The following DYNC1I1 variants were observed in gnomAD, a reference collection of about 807,000 sequenced individuals.
The protein encoded by DYNC1I1 is cytoplasmic dynein 1 intermediate chain 1.
Under a neutral mutation model 86.6 loss-of-function variants are expected in DYNC1I1, and 43 were observed. The ratio of observed to expected loss-of-function variants is 0.50; its 90% CI spans 0.39 to 0.64. The LOEUF (loss-of-function observed/expected upper bound fraction) is 0.64, where lower values mean the gene tolerates loss of function less well. Among genes scored for constraint, DYNC1I1 ranks in the 30% least tolerant of loss-of-function variants. The pLI is 0.00. For missense variants in DYNC1I1, 604 were observed against 788.8 expected, an observed-to-expected ratio of 0.77 and a Z score of 2.81; for synonymous variants, 262 against 283.7, an observed-to-expected ratio of 0.92 and a Z score of 0.77.
chr7:96,094,042 A>T (rs1790925531), intron 16 of DYNC1I1, among the ~76,000 whole-genome samples: 1 of 152,170 alleles, frequency 6.6e-6, no homozygotes, highest in South Asian at 2.1e-4. Context: ...TTGTCACTGA[A>T]GGAAGGTAAA....
chr7:96,109,149 T>G (rs1791265949), intron 16 of DYNC1I1, among the ~76,000 whole-genome samples: 1 of 152,096 alleles, frequency 6.6e-6, no homozygotes, highest in South Asian at 2.1e-4. Flanking sequence ...CCAATTTTAT[T>G]GATCTTTTCA....
At chr7:95,835,617 G>A (rs1271626083) in intron 5 of DYNC1I1, among the ~76,000 whole-genome samples, 1 of 152,138 alleles carries the variant, frequency 6.6e-6, no homozygotes, top group South Asian at 2.1e-4. Context: ...AAGTCTCTTT[G>A]TAGGTCACTC....
intron 5 of DYNC1I1, among the ~76,000 whole-genome samples, chr7:95,865,343 G>A (rs928829484): frequency 6.6e-4 from 100 of 152,154 alleles, no homozygotes; most frequent in African/African-American, 2.0e-3. Flanking sequence ...AAATGATGCC[G>A]TGTCAACCAG....
At chr7:95,923,086 G>A (rs1333783346) in intron 6 of DYNC1I1, among the ~76,000 whole-genome samples, 1 of 151,456 alleles carries the variant, frequency 6.6e-6, no homozygotes, top group Non-Finnish European at 1.5e-5. Flanking sequence ...CTTTTTTCTT[G>A]TTGCACAGGG....
At position 96,039,415 on chromosome 7, in the gene DYNC1I1, C is replaced by T; in HGVS notation, c.1503C>T (p.Thr501=). The change falls in exon 14 of 17, where the codon ACC becomes ACT. Residue 501 remains threonine (T), a synonymous_variant. Coordinates refer to ENST00000447467, the MANE Select transcript of DYNC1I1 (RefSeq NM_001135556.2). ...SSFDWTVKLW[T]TKHNKPLYSF... ...TTGACTGGACTGTCAAACTGTGGACCACCAAGGTAAGAATATCTTGACTGA... is the reference window on the plus strand; with the variant it reads ...TTGACTGGACTGTCAAACTGTGGACTACCAAGGTAAGAATATCTTGACTGA... 5 of 1,613,924 alleles carry T rather than the reference C, an allele frequency of 3.1e-6. No individual in the cohort carries two copies. The highest frequency in any genetic ancestry group is 4.2e-6 in the Non-Finnish European group (5 of 1,179,910).
In DYNC1I1 at chr7:96,028,679, G is replaced by A. The variant is rs536307689; in HGVS notation, c.1116+358G>A. ...CGTATTTTCAAATAGATCCTGAAGA[G>A]TAAGGATTTCACATCAAGGGATGAT... On this transcript the variant is annotated intron_variant, in intron 11 of 16. Coordinates refer to ENST00000447467, the MANE Select transcript of DYNC1I1 (RefSeq NM_001135556.2). Among the ~76,000 whole-genome samples, 6 of 152,320 alleles carry A rather than the reference G, an allele frequency of 3.9e-5. No individual in the cohort carries two copies. In the South Asian group the frequency reaches 1.2e-3, roughly 32 times the overall value.
chr7:96,088,222 G>A (rs1180546685), intron 16 of DYNC1I1, among the ~76,000 whole-genome samples: 3 of 152,040 alleles, frequency 2.0e-5, no homozygotes, highest in Non-Finnish European at 4.4e-5. Context: ...GAATTGAAAA[G>A]AAATACTTAT....
intron 14 of DYNC1I1, among the ~76,000 whole-genome samples, chr7:96,058,485 A>G (rs1789652485): frequency 6.6e-6 from 1 of 152,214 alleles, no homozygotes. Context: ...CCTTATACTT[A>G]TTCATTCAAT....
intron 16 of DYNC1I1, among the ~76,000 whole-genome samples, chr7:96,085,123 T>G (rs899724416): frequency 2.0e-5 from 3 of 152,226 alleles, no homozygotes; most frequent in Admixed American, 6.5e-5. Flanking sequence ...GACAGTCATC[T>G]GCCTCATCTC....
intron 6 of DYNC1I1, among the ~76,000 whole-genome samples, chr7:95,970,198 C>T (rs1445526272): frequency 7.9e-5 from 12 of 152,102 alleles, no homozygotes; most frequent in Admixed American, 7.9e-4. Context: ...TGTCTAAATT[C>T]ACAGTCTGAT....
rs1387712605 is a variant in DYNC1I1 at position 96,028,177 on chromosome 7, C to T, written c.972C>T (p.Ser324=). 6.2e-7 allele frequency: 1 copy of T among 1,613,710 alleles called. No individual in the cohort carries two copies. The highest frequency in any genetic ancestry group is 1.1e-5 in the South Asian group (1 of 91,036). The change falls in exon 11 of 17, where the codon TCC becomes TCT. Residue 324 remains serine (S), a splice_region_variant and synonymous_variant. Coordinates refer to ENST00000447467, the MANE Select transcript of DYNC1I1 (RefSeq NM_001135556.2). ...CTCTCTCTCCTTTTCCCTGACAGTC[C>T]TCTGTGATGTCGGTCTGCTTCGCCC... ...TTPEYVFHCQ[S]SVMSVCFARF...
chr7:95,818,633 AT>A, intron 4 of DYNC1I1: 1 of 515,188 alleles, frequency 1.9e-6, no homozygotes, highest in South Asian at 3.4e-5. Flanking sequence ...GGCAGGACCC[AT>A]TGTGCCCAGC....
At chr7:95,845,827 T>G (rs1178158397) in intron 5 of DYNC1I1, among the ~76,000 whole-genome samples, 1 of 152,196 alleles carries the variant, frequency 6.6e-6, no homozygotes, top group Non-Finnish European at 1.5e-5. Context: ...GCTCACCATT[T>G]GTAATAATCA....
At chr7:96,042,411 A>G (rs1789077514) in intron 14 of DYNC1I1, among the ~76,000 whole-genome samples, 2 of 152,224 alleles carry the variant, frequency 1.3e-5, no homozygotes. Flanking sequence ...TTCAATAGCA[A>G]TGACATTCCT....
intron 16 of DYNC1I1, among the ~76,000 whole-genome samples, chr7:96,090,406 T>C (rs1197063112): frequency 2.6e-5 from 4 of 152,178 alleles, no homozygotes; most frequent in African/African-American, 9.7e-5. Context: ...CTATATTCGC[T>C]GGCTTATTGA....
intron 6 of DYNC1I1, among the ~76,000 whole-genome samples, chr7:95,975,239 T>C (rs319301): frequency 0.26 from 39,624 of 152,110 alleles, 5,844 homozygotes; most frequent in East Asian, 0.66. Context: ...GCTTTATTAG[T>C]TTTCAAGTTT....
intron 6 of DYNC1I1, among the ~76,000 whole-genome samples, chr7:95,895,390 A>G (rs1488482938): frequency 2.6e-5 from 4 of 152,184 alleles, no homozygotes; most frequent in Non-Finnish European, 4.4e-5. Context: ...AGAATGGTCC[A>G]TGTTGAGTTC....
At chr7:95,917,535 A>T (rs1414985372) in intron 6 of DYNC1I1, among the ~76,000 whole-genome samples, 2 of 152,098 alleles carry the variant, frequency 1.3e-5, no homozygotes, top group Non-Finnish European at 2.9e-5. Context: ...AACCCCCACC[A>T]CTTATATAGG....
intron 10 of DYNC1I1, among the ~76,000 whole-genome samples, chr7:96,023,733 A>G (rs1230932097): frequency 6.6e-6 from 1 of 152,126 alleles, no homozygotes; most frequent in African/African-American, 2.4e-5. Flanking sequence ...GCAAGTGAAC[A>G]TGTGGCTATA....
Sources: gnomAD v4.1 joint callset for allele counts (sites outside exome capture counted in the v4.1 genomes callset) on GRCh38, gnomAD v4.1.1 for gene constraint, MANE v1.5 for transcripts, NCBI Gene and HGNC (gene_info 2026-07-23, HGNC 2026-07-21) for gene names.